The following ABCC8 variants were observed in gnomAD, a reference collection of about 807,000 sequenced individuals.
ABCC8 encodes the protein ATP binding cassette subfamily C member 8, also known as ATP-binding cassette sub-family C member 8.
In ABCC8, 137 loss-of-function variants were observed where a neutral mutation model predicts 188.0. That is an observed-to-expected ratio of 0.73 (90% CI 0.63 to 0.84). The LOEUF is 0.84. ABCC8 is among the 40% of genes least tolerant of loss of function. The pLI is 0.00. For synonymous variants in ABCC8, 797 were observed against 846.5 expected, an observed-to-expected ratio of 0.94 and a Z score of 1.01; for missense variants, 1,750 against 2,072.7, an observed-to-expected ratio of 0.84 and a Z score of 3.02.
chr11:17,409,675 A>G (rs1564897985), intron 22 of ABCC8, among the ~76,000 whole-genome samples: 1 of 152,134 alleles, frequency 6.6e-6, no homozygotes, highest in African/African-American at 2.4e-5. Context: ...GAGGGCCTCA[A>G]TTTTGGCTGT....
chr11:17,406,766 A>G lies in ABCC8; in HGVS notation c.3185T>C (p.Val1062Ala). Residue 1062 changes from valine (V) to alanine (A), a missense_variant, in exon 26 of 39, where the codon GTC (valine) becomes GCC (alanine). Val to Ala is a moderately conservative substitution (Grantham distance 64). Transcript: ENST00000389817. ...GAGCACCGTGAACACCATGGCATAG[A>G]CAGTCTGGTCGAGGGTGCACTCCTT... ...LSQECTLDQT[V>A]YAMVFTVLCS... The G allele has an allele frequency of 6.2e-7, 1 of 1,614,230 alleles. No homozygotes were observed. Among genetic ancestry groups the G allele is most frequent in the African/African-American group, 1.3e-5 (1 of 75,060 alleles).
intron 20 of ABCC8, 81 bp downstream of exon 20, chr11:17,413,313 C>T (rs1239338186): frequency 8.9e-6 from 14 of 1,566,702 alleles, no homozygotes; most frequent in Non-Finnish European, 8.8e-6. Context: ...TCCTAGTTAC[C>T]CATTGTCCTG....
chr11:17,443,562 G>A (rs948801179), intron 8 of ABCC8: 4 of 517,554 alleles, frequency 7.7e-6, no homozygotes, highest in African/African-American at 5.8e-5. Flanking sequence ...TTATCTGCAA[G>A]GCTGGTTGAA....
rs1333862569 is a variant in ABCC8, at chr11:17,463,604, G to A, written c.413C>T (p.Ala138Val). ...ETSNFPKLLI[A>V]LLVYWTLAFI... is the part of the protein sequence containing the mutation. ...GGCCAGGGTCCAATACACCAGCAGG[G>A]CTGCCGAGGAGAGATGGAAGATCGC... Residue 138 changes from alanine (A) to valine (V), a missense_variant and splice_region_variant, in exon 4 of 39, where the codon GCC (alanine) becomes GTC (valine). Coordinates refer to ENST00000389817, the MANE Select transcript of ABCC8 (RefSeq NM_000352.6). The A allele has an allele frequency of 1.3e-6, 2 of 1,573,048 alleles. No homozygotes were observed. Among genetic ancestry groups the A allele is most frequent in the African/African-American group, 1.3e-5 (1 of 74,142 alleles).
chr11:17,434,770 T>C (rs1956003757), intron 10 of ABCC8, among the ~76,000 whole-genome samples: 2 of 152,210 alleles, frequency 1.3e-5, no homozygotes, highest in South Asian at 4.1e-4. Flanking sequence ...AATTTAAAAA[T>C]GAACATCCCA....
Position 17,427,851 on chromosome 11 carries a change from G to T in ABCC8, c.2116+16C>A. On this transcript the variant is annotated intron_variant, in intron 15 of 38. Transcript: ENST00000389817. This position sits in a 1 kb window ranked among gnomAD's most constrained non-coding sequence, Gnocchi z 5.0. ...ACATGGGGAGGGGCATGCTGGAGGG[G>T]TGGACTGGGCCATACCTCGGGGGAT... The T allele has an allele frequency of 6.2e-7, 1 of 1,613,828 alleles. No homozygotes were observed. The highest frequency in any genetic ancestry group is 1.1e-5 in the South Asian group (1 of 90,980).
In ABCC8 at chr11:17,413,282, C is replaced by T. The variant is rs1054511599; in HGVS notation, c.2475+112G>A. 2.7e-6 allele frequency: 4 copies of T among 1,501,970 alleles called. No individual in the cohort carries two copies. In the African/African-American group the frequency reaches 5.5e-5, roughly 21 times the overall value. 93.0% of individuals were successfully genotyped at this position (1,501,970 alleles called of 1,614,324 possible). The stretch of plus-strand genomic sequence containing the variant: ...TTTGACCTTACTGCAGGCAACTCTT[C>T]AGCCTTCAATGTCTCCTATTTCCTA... On this transcript the variant is annotated intron_variant, in intron 20 of 38. Coordinates refer to ENST00000389817, the MANE Select transcript of ABCC8 (RefSeq NM_000352.6).
intron 2 of ABCC8, among the ~76,000 whole-genome samples, chr11:17,471,966 G>C (rs1015502308): frequency 2.6e-5 from 4 of 152,192 alleles, no homozygotes; most frequent in African/African-American, 9.7e-5. Context: ...TGGCAACACT[G>C]GGCACAGCCA....
intron 10 of ABCC8, among the ~76,000 whole-genome samples, chr11:17,435,137 T>C (rs1294840921): frequency 6.6e-6 from 1 of 152,156 alleles, no homozygotes; most frequent in South Asian, 2.1e-4. Flanking sequence ...TAACTAGCCC[T>C]CTTTATCTCC....
intron 17 of ABCC8, among the ~76,000 whole-genome samples, chr11:17,415,765 G>A (rs1160811735): frequency 2.0e-5 from 3 of 152,210 alleles, no homozygotes; most frequent in African/African-American, 7.2e-5. Context: ...GACAGAGCCA[G>A]GCCAGGCCAG....
intron 3 of ABCC8, among the ~76,000 whole-genome samples, chr11:17,469,028 T>C (rs1045800944): frequency 6.6e-6 from 1 of 151,278 alleles, no homozygotes; most frequent in Non-Finnish European, 1.5e-5. Flanking sequence ...GGTGACCTCA[T>C]CCAGGCTCAA....
intron 28 of ABCC8, 83 bp from the exon 29 acceptor site, chr11:17,402,836 C>T (rs999433842): frequency 4.7e-5 from 72 of 1,533,862 alleles, no homozygotes; most frequent in South Asian, 2.8e-4. Flanking sequence ...CACCTGCTAC[C>T]GCTGTGTGGG....
intron 7 of ABCC8, 41 bp downstream of exon 7, chr11:17,453,078 A>G: frequency 6.6e-7 from 1 of 1,522,194 alleles, no homozygotes; most frequent in South Asian, 1.1e-5. Flanking sequence ...ATTCCTAATA[A>G]TGGTTCTTAT....
intron 7 of ABCC8, 169 bp from the exon 8 acceptor site, chr11:17,448,840 C>G (rs893135519): frequency 2.3e-6 from 1 of 432,056 alleles, no homozygotes; most frequent in Non-Finnish European, 3.1e-6. Flanking sequence ...CTAGTCTACT[C>G]CAGCACAGCA....
At chr11:17,425,671 G>A (rs1955548067) in intron 16 of ABCC8, among the ~76,000 whole-genome samples, 1 of 152,062 alleles carries the variant, frequency 6.6e-6, no homozygotes, top group Non-Finnish European at 1.5e-5. Context: ...CCTTTTTAAA[G>A]GGTTTTATTT....
chr11:17,431,264 C>T (rs1471417672), intron 11 of ABCC8, among the ~76,000 whole-genome samples: 2 of 151,626 alleles, frequency 1.3e-5, no homozygotes, highest in Non-Finnish European at 2.9e-5. Context: ...CAGCACGGCC[C>T]CCTCTGCAGA....
chr11:17,468,539 C>T (rs1311624566), intron 3 of ABCC8, among the ~76,000 whole-genome samples: 1 of 152,084 alleles, frequency 6.6e-6, no homozygotes, highest in African/African-American at 2.4e-5. Flanking sequence ...CCGGCTGTGC[C>T]CCTTGACGAG....
At chr11:17,408,244 G>T in intron 23 of ABCC8, 148 bp downstream of exon 23, 2 of 750,348 alleles carry the variant, frequency 2.7e-6, no homozygotes, top group African/African-American at 1.7e-5. Flanking sequence ...TCTCTCCTCT[G>T]GTAGGAGCCA....
At chr11:17,440,198 C>T (rs533478271) in intron 10 of ABCC8, among the ~76,000 whole-genome samples, 7 of 152,238 alleles carry the variant, frequency 4.6e-5, no homozygotes, top group Admixed American at 1.3e-4. Flanking sequence ...ATCTCAGCAA[C>T]GACAAGCCTG....
Sources: allele counts gnomAD v4.1 joint callset (sites outside exome capture counted in the v4.1 genomes callset), GRCh38; gene constraint gnomAD v4.1.1; non-coding constraint Gnocchi (gnomAD v3.1); transcripts MANE v1.5; gene names NCBI Gene and HGNC (gene_info 2026-07-23, HGNC 2026-07-21).